CYP1A2: variants seen among roughly 807,000 people sequenced by gnomAD.
The protein encoded by CYP1A2 is cytochrome P450 1A2.
A neutral mutation model predicts 34.7 loss-of-function variants in CYP1A2; 35 were observed. The observed-to-expected ratio is 1.01, with a 90% confidence interval of 0.77 to 1.34. CYP1A2 has a LOEUF of 1.34. CYP1A2 is among the 40% of genes most tolerant of loss of function. CYP1A2 has a pLI of 0.00. For missense variants in CYP1A2, 675 were observed against 675.8 expected, an observed-to-expected ratio of 1.00 and a Z score of 0.01; for synonymous variants, 288 against 281.9, an observed-to-expected ratio of 1.02 and a Z score of -0.22.
intron 1 of CYP1A2, 135 bp downstream of exon 1, chr15:74,749,032 G>A (rs1393867048): frequency 1.3e-5 from 2 of 152,258 alleles, no homozygotes; most frequent in Non-Finnish European, 2.9e-5. Context: ...CCCAGCTCTT[G>A]ACTTCTGTTT....
chr15:74,755,595 G>A lies in CYP1A2; in HGVS notation c.*507G>A, dbSNP rs537275726. On this transcript the variant is annotated 3_prime_UTR_variant, in exon 7 of 7. Transcript: ENST00000343932. ...CCCAAGCACCTGGGATTACAAGCAT[G>A]AGTCACTACGCCTGGCTGATTTTTG... 1.2e-4 allele frequency: 18 copies of A among 152,380 alleles called. No individual in the cohort carries two copies. The highest frequency in any genetic ancestry group is 2.5e-4 in the Non-Finnish European group (17 of 68,608). 9.4% of individuals were successfully genotyped at this position (152,380 alleles called of 1,614,324 possible). A position where few individuals can be genotyped will look rare whatever the true frequency, so the allele number is the denominator to read the frequency against.
In CYP1A2 at chr15:74,752,259, C is replaced by T. The variant is rs375857323; in HGVS notation, c.1166+12C>T. 10 of 1,613,208 alleles carry T rather than the reference C, an allele frequency of 6.2e-6. No homozygotes were observed. Among genetic ancestry groups the T allele is most frequent in the Admixed American group, 3.3e-5 (2 of 59,916 alleles). ...ACCATCCCCCACAGGTGAGGCCTGCCGGTTCTGCCCTCCCACCTCTAAAGT... is the reference window on the plus strand; with the variant it reads ...ACCATCCCCCACAGGTGAGGCCTGCTGGTTCTGCCCTCCCACCTCTAAAGT... On this transcript the variant is annotated intron_variant, in intron 5 of 6. Coordinates refer to ENST00000343932, the MANE Select transcript of CYP1A2 (RefSeq NM_000761.5).
chr15:74,754,282 T>C (rs2063328455), intron 6 of CYP1A2, among the ~76,000 whole-genome samples: 1 of 151,846 alleles, frequency 6.6e-6, no homozygotes, highest in Non-Finnish European at 1.5e-5. Context: ...TCTTTAAGGC[T>C]GGTCATTTTA....
Position 74,756,121 on chromosome 15 carries a change from GTT to G in CYP1A2, c.*1046_*1047del, listed in dbSNP as rs34002060. On this transcript the variant is annotated 3_prime_UTR_variant, in exon 7 of 7. Transcript: ENST00000343932. ...ATGAACCACCGCGCCCAGCCTTTTTGTTTTTTTTTTTTTTGAGACAGAGTCTT... is the reference window on the plus strand; with the variant it reads ...ATGAACCACCGCGCCCAGCCTTTTTGTTTTTTTTTTTTGAGACAGAGTCTT... 26 of 129,352 alleles carry G rather than the reference GTT, an allele frequency of 2.0e-4. No individual in the cohort carries two copies. The highest frequency in any genetic ancestry group is 2.4e-4 in the Non-Finnish European group (15 of 61,556). 8.0% of individuals were successfully genotyped at this position (129,352 alleles called of 1,614,324 possible). A position where few individuals can be genotyped will look rare whatever the true frequency, so the allele number is the denominator to read the frequency against.
rs1310594129 is a variant in CYP1A2 at position 74,751,188 on chromosome 15, G to A, written c.832-1G>A. On this transcript the variant is annotated splice_acceptor_variant, in intron 2 of 6. Transcript: ENST00000343932. LOFTEE classifies it high-confidence loss of function. ...GTGCCCCTAAGCTTGTGCCCCCTCA[G>A]AACAGTGTCCGGGACATCACGGGTG... The A allele has an allele frequency of 1.9e-6, 3 of 1,614,000 alleles. No homozygotes were observed. The East Asian group carries it at 6.7e-5, about 36-fold the overall frequency.
Position 74,749,880 on chromosome 15 carries a change from T to G in CYP1A2, c.142T>G (p.Trp48Gly), listed in dbSNP as rs201763966. ...GLKSPPEPWG[W>G]PLLGHVLTLG... ...GAAAAGTCCACCAGAGCCATGGGGC[T>G]GGCCCTTGCTCGGGCATGTGCTGAC... Residue 48 changes from tryptophan (W) to glycine (G), a missense_variant, in exon 2 of 7, where the codon TGG (tryptophan) becomes GGG (glycine). By Grantham distance (184) the Trp-to-Gly change is radical. Transcript: ENST00000343932. 241 of 1,609,100 alleles carry G rather than the reference T, an allele frequency of 1.5e-4. 1 individual carries two copies. Among genetic ancestry groups the G allele is most frequent in the African/African-American group, 1.2e-3 (88 of 74,954 alleles).
At chr15:74,751,904 G>A in intron 4 of CYP1A2, 50 bp downstream of exon 4, 2 of 1,593,642 alleles carry the variant, frequency 1.3e-6, no homozygotes, top group South Asian at 1.1e-5. Context: ...TGAGACCCAG[G>A]TTGTTTGTTC....
chr15:74,749,798 C>G lies in CYP1A2; in HGVS notation c.60C>G (p.Ile20Met), dbSNP rs773045980. The G allele has an allele frequency of 1.3e-6, 2 of 1,582,654 alleles. No homozygotes were observed. Among genetic ancestry groups the G allele is most frequent in the Admixed American group, 3.5e-5 (2 of 57,486 alleles). ...CAGAGCTTCTCCTGGCCTCTGCCAT[C>G]TTCTGCCTGGTATTCTGGGTGCTCA... ...SATELLLASA[I>M]FCLVFWVLKG... The change falls in exon 2 of 7, where the codon ATC becomes ATG. Residue 20 changes from isoleucine (I) to methionine (M), a missense_variant. Physicochemically the swap from Ile to Met is conservative, Grantham distance 10. Transcript: ENST00000343932.
At position 74,754,783 on chromosome 15, in the gene CYP1A2, T is replaced by C. The variant is rs1274773070; in HGVS notation, c.1254-8T>C. Reference sequence around the variant, plus strand: ...CCTGAGGTCCCATCTCCTCTGTTCCTCTTGCAGAGAGCTGTGGGAGGACCC... The same window carrying C: ...CCTGAGGTCCCATCTCCTCTGTTCCCCTTGCAGAGAGCTGTGGGAGGACCC... On this transcript the variant is annotated splice_region_variant and splice_polypyrimidine_tract_variant and intron_variant, in intron 6 of 6. Coordinates refer to ENST00000343932, the MANE Select transcript of CYP1A2 (RefSeq NM_000761.5). 4.4e-6 allele frequency: 7 copies of C among 1,608,040 alleles called. No homozygotes were observed. In the East Asian group the frequency reaches 9.0e-5, roughly 21 times the overall value.
At position 74,753,211 on chromosome 15, in the gene CYP1A2, C is replaced by T. The variant is rs760711594; in HGVS notation, c.1194C>T (p.Gly398=). The T allele has an allele frequency of 1.2e-6, 2 of 1,613,846 alleles. No individual in the cohort carries two copies. The highest frequency in any genetic ancestry group is 1.7e-5 in the Admixed American group (1 of 60,004). The part of the protein sequence containing the change: ...HSTTRDTTLN[G]FYIPKKCCVF... ...CAACAAGGGACACAACGCTGAATGG[C>T]TTCTACATCCCCAAGAAATGCTGTG... Residue 398 remains glycine, a synonymous_variant, in exon 6 of 7, where the codon GGC becomes GGT. Coordinates refer to ENST00000343932, the MANE Select transcript of CYP1A2 (RefSeq NM_000761.5).
chr15:74,754,098 C>T (rs1363962746), intron 6 of CYP1A2, among the ~76,000 whole-genome samples: 3 of 152,064 alleles, frequency 2.0e-5, no homozygotes, highest in Non-Finnish European at 4.4e-5. Context: ...GAGACAAGGT[C>T]TTCCTATGTG....
intron 6 of CYP1A2, 137 bp downstream of exon 6, chr15:74,753,407 C>A: frequency 1.5e-6 from 1 of 658,580 alleles, no homozygotes; most frequent in Non-Finnish European, 2.5e-6. Context: ...ACGATATTTA[C>A]AAAAGTTTCA....
At chr15:74,751,422 C>T (rs1213485225) in intron 3 of CYP1A2, 113 bp downstream of exon 3, 1 of 1,447,400 alleles carries the variant, frequency 6.9e-7, no homozygotes, top group Admixed American at 2.0e-5. Flanking sequence ...GATGGTACAA[C>T]ATACTGAGAT....
At chr15:74,749,407 T>C (rs188138091) in intron 1 of CYP1A2, among the ~76,000 whole-genome samples, 1 of 152,220 alleles carries the variant, frequency 6.6e-6, no homozygotes, top group Non-Finnish European at 1.5e-5. Context: ...CTGACAAGGG[T>C]GCTGTCCTTG....
chr15:74,753,683 G>A (rs1012750700), intron 6 of CYP1A2, among the ~76,000 whole-genome samples: 4 of 151,138 alleles, frequency 2.6e-5, no homozygotes, highest in African/African-American at 7.3e-5. Flanking sequence ...GCAGTGAGCC[G>A]AGATCGCTCC....
Position 74,750,333 on chromosome 15 carries a change from G to A in CYP1A2, c.595G>A (p.Val199Ile), listed in dbSNP as rs144697774. The change falls in exon 2 of 7, where the codon GTC becomes ATC. Residue 199 changes from valine to isoleucine, a missense_variant. Coordinates refer to ENST00000343932, the MANE Select transcript of CYP1A2 (RefSeq NM_000761.5). ...YNQVVVSVAN[V>I]IGAMCFGQHF... ...TCAGGTGGTGGTGTCAGTGGCCAAC[G>A]TCATTGGTGCCATGTGCTTCGGACA... The A allele has an allele frequency of 6.9e-5, 111 of 1,613,890 alleles. No homozygotes were observed. The highest frequency in any genetic ancestry group is 8.6e-5 in the Non-Finnish European group (102 of 1,180,006).
chr15:74,750,601 C>A (rs1002088448), intron 2 of CYP1A2, 32 bp downstream of exon 2: 2 of 1,567,674 alleles, frequency 1.3e-6, no homozygotes, highest in South Asian at 2.2e-5. Context: ...CAAGGGGCAC[C>A]TTGCAGGGCC....
rs546148024 is a variant in CYP1A2, at chr15:74,755,337, C to G, written c.*249C>G. ...TTTGCCAAGAGCCTGAGTGACAGAGCAAGACCCCATCTCAAAAAAAAAAAC... is the reference window on the plus strand; with the variant it reads ...TTTGCCAAGAGCCTGAGTGACAGAGGAAGACCCCATCTCAAAAAAAAAAAC... On this transcript the variant is annotated 3_prime_UTR_variant, in exon 7 of 7. Transcript: ENST00000343932. 1.2e-3 allele frequency: 381 copies of G among 310,074 alleles called. No homozygotes were observed. The highest frequency in any genetic ancestry group is 1.2e-3 in the Non-Finnish European group (221 of 178,562). The allele number at this position is 310,074 out of a possible 1,614,324, so 19.2% of individuals were successfully genotyped here.
In CYP1A2 at chr15:74,750,564, G is replaced by A. The variant is rs370942811; in HGVS notation, c.826G>A (p.Asp276Asn). The part of the protein sequence containing the change: ...KTVQEHYQDF[D>N]KNSVRDITGA... Reference sequence around the variant, plus strand: ...AGTCCAGGAGCACTATCAGGACTTTGACAAGGTGAGCCCGGGGTGCAGGTG... The same window carrying A: ...AGTCCAGGAGCACTATCAGGACTTTAACAAGGTGAGCCCGGGGTGCAGGTG... Residue 276 changes from aspartate (D) to asparagine (N), a missense_variant, in exon 2 of 7, where the codon GAC (aspartate) becomes AAC (asparagine). Coordinates refer to ENST00000343932, the MANE Select transcript of CYP1A2 (RefSeq NM_000761.5). The A allele has an allele frequency of 6.2e-7, 1 of 1,612,708 alleles. No individual in the cohort carries two copies. Among genetic ancestry groups the A allele is most frequent in the South Asian group, 1.1e-5 (1 of 91,028 alleles).
Sources: gnomAD v4.1 joint callset for allele counts (sites outside exome capture counted in the v4.1 genomes callset) on GRCh38, gnomAD v4.1.1 for gene constraint, MANE v1.5 for transcripts, NCBI Gene and HGNC (gene_info 2026-07-23, HGNC 2026-07-21) for gene names.